Variants in SFI1 observed in about 807,000 individuals in gnomAD.
SFI1 encodes the protein SFI1 centrin binding protein, also known as protein SFI1 homolog.
SFI1 carries 195 observed loss-of-function variants against 207.5 expected under a neutral mutation model. The ratio of observed to expected loss-of-function variants is 0.94; its 90% CI spans 0.84 to 1.06. The LOEUF (loss-of-function observed/expected upper bound fraction) is 1.06, where lower values mean the gene tolerates loss of function less well. Among genes scored for constraint, SFI1 ranks in the 50% least tolerant of loss-of-function variants. The pLI is 0.00. For synonymous variants in SFI1, 630 were observed against 598.9 expected (o/e 1.05, Z -0.76); for missense variants, 1,634 against 1,588.0 (o/e 1.03, Z -0.49).
In SFI1 at chr22:31,585,059, T is replaced by C. The variant is rs754521601; in HGVS notation, c.1347-9T>C. On this transcript the variant is annotated splice_polypyrimidine_tract_variant and intron_variant, in intron 13 of 32. Coordinates refer to ENST00000400288, the MANE Select transcript of SFI1 (RefSeq NM_001007467.3). ...TTGAAACCTGAAGGTGTTCTTCCTT[T>C]TGTTTCAGAATAGCACTGCTGTGCA... The C allele has an allele frequency of 1.6e-5, 26 of 1,611,622 alleles. No individual in the cohort carries two copies. The highest frequency in any genetic ancestry group is 2.2e-5 in the Non-Finnish European group (26 of 1,179,228).
intron 18 of SFI1, 39 bp downstream of exon 18, chr22:31,603,858 T>C (rs1462464590): frequency 6.4e-7 from 1 of 1,560,120 alleles, no homozygotes; most frequent in East Asian, 2.4e-5. Flanking sequence ...TGTATGACTT[T>C]TGGACAGGTG....
At chr22:31,559,553 A>T in intron 7 of SFI1, 2 of 598,702 alleles carry the variant, frequency 3.3e-6, no homozygotes, top group Non-Finnish European at 6.2e-6. Flanking sequence ...AACGGGCAGC[A>T]GAAAATAGGC....
At chr22:31,499,175 T>A (rs2053285882) in intron 1 of SFI1, among the ~76,000 whole-genome samples, 1 of 151,328 alleles carries the variant, frequency 6.6e-6, no homozygotes, top group Admixed American at 6.6e-5. Context: ...CCTCGCTAAT[T>A]TTTTTTTTGA....
intron 8 of SFI1, among the ~76,000 whole-genome samples, chr22:31,562,437 CA>C (rs528463423): frequency 3.3e-3 from 329 of 99,954 alleles, no homozygotes; most frequent in Middle Eastern, 5.7e-3. Context: ...GGCCCTGTCT[CA>C]AAAAAAAAAA....
intron 29 of SFI1, chr22:31,616,520 T>G: frequency 2.2e-6 from 1 of 453,178 alleles, no homozygotes. Flanking sequence ...CACGGGGTGC[T>G]CCCTGGTTGC....
intron 15 of SFI1, among the ~76,000 whole-genome samples, chr22:31,592,798 G>A (rs1278289010): frequency 3.8e-5 from 5 of 130,988 alleles, no homozygotes; most frequent in Non-Finnish European, 3.3e-5. Flanking sequence ...GCGGCTGGCC[G>A]GGGGGAGGGC....
intron 7 of SFI1, 32 bp downstream of exon 7, chr22:31,557,091 A>G (rs777372487): frequency 1.4e-6 from 2 of 1,396,050 alleles, no homozygotes; most frequent in East Asian, 4.7e-5. Flanking sequence ...ACAAAGTACC[A>G]GCCATCATTT....
At chr22:31,603,873 G>T in intron 18 of SFI1, 54 bp downstream of exon 18, 2 of 1,522,998 alleles carry the variant, frequency 1.3e-6, no homozygotes, top group Non-Finnish European at 1.8e-6. Context: ...CAGGTGGGCT[G>T]TGTGTCAGCA....
In SFI1 at chr22:31,561,349, A is replaced by T. The variant is rs372032740; in HGVS notation, c.722A>T (p.His241Leu). ...CAGGTCCGTGTGAGCCGTGCCCTCC[A>T]TGCCTCTGCTTTGAAGCACAGGGCC... ...LGQVRVSRAL[H>L]ASALKHRALS... The change falls in exon 8 of 33, where the codon CAT (histidine) becomes CTT (leucine). Residue 241 changes from histidine (H) to leucine (L), a missense_variant. By Grantham distance (99) the His-to-Leu change is moderately conservative. Coordinates refer to ENST00000400288, the MANE Select transcript of SFI1 (RefSeq NM_001007467.3). 3 of 1,614,004 alleles carry T rather than the reference A, an allele frequency of 1.9e-6. No individual in the cohort carries two copies. Among genetic ancestry groups the T allele is most frequent in the Non-Finnish European group, 1.7e-6 (2 of 1,180,030 alleles).
intron 4 of SFI1, among the ~76,000 whole-genome samples, chr22:31,535,251 G>A (rs1242827476): frequency 2.7e-5 from 4 of 146,376 alleles, no homozygotes; most frequent in Admixed American, 1.4e-4. Flanking sequence ...GTGCAATGAC[G>A]CGATCTCGGC....
At position 31,550,348 on chromosome 22, in the gene SFI1, G is replaced by A. The variant is rs199561606; in HGVS notation, c.544G>A (p.Asp182Asn). The A allele has an allele frequency of 8.7e-5, 141 of 1,613,580 alleles. 3 individuals are homozygous for A. Among genetic ancestry groups the A allele is most frequent in the Middle Eastern group, 8.3e-4 (5 of 6,060 alleles). The change falls in exon 6 of 33, where the codon GAT (aspartate) becomes AAT (asparagine). Residue 182 changes from aspartate to asparagine, a missense_variant and splice_region_variant. Physicochemically the swap from Asp to Asn is conservative, Grantham distance 23. Transcript: ENST00000400288. The stretch of plus-strand genomic sequence containing the variant: ...CAAGTACATTAGAGCCGAGGTTCAT[G>A]GTGAGAAAAAGAAGTCCATGTCTGA... ...RNKYIRAEVH[D>N]AKQKMRQAWK...
chr22:31,571,583 G>A (rs2062959496), intron 8 of SFI1, among the ~76,000 whole-genome samples: 4 of 151,668 alleles, frequency 2.6e-5, no homozygotes, highest in African/African-American at 9.7e-5. Flanking sequence ...CCAAAGTGCT[G>A]AGATTACAGG....
At chr22:31,514,116 G>A (rs1440046062) in intron 2 of SFI1, among the ~76,000 whole-genome samples, 2 of 148,186 alleles carry the variant, frequency 1.3e-5, no homozygotes, top group African/African-American at 5.0e-5. Context: ...ACTCCAGCCC[G>A]GGTGACGGAG....
chr22:31,520,668 A>T (rs1410271583), intron 2 of SFI1, among the ~76,000 whole-genome samples: 1 of 151,786 alleles, frequency 6.6e-6, no homozygotes, highest in Non-Finnish European at 1.5e-5. Flanking sequence ...AAATCCAGGG[A>T]GTATCTAAAA....
rs1479727652 is a variant in SFI1 at position 31,569,097 on chromosome 22, G to T, written c.766-3961G>T. Among the ~76,000 whole-genome samples, 3 of 152,088 alleles carry T rather than the reference G, an allele frequency of 2.0e-5. No individual in the cohort carries two copies. In the East Asian group the frequency reaches 5.8e-4, roughly 29 times the overall value. ...ACTGTTAACTCCAAGAAACCAGAGGGTTAATGAGAGAGAAGCCTTCTTTAT... is the reference window on the plus strand; with the variant it reads ...ACTGTTAACTCCAAGAAACCAGAGGTTTAATGAGAGAGAAGCCTTCTTTAT... On this transcript the variant is annotated intron_variant, in intron 8 of 32. Coordinates refer to ENST00000400288, the MANE Select transcript of SFI1 (RefSeq NM_001007467.3).
chr22:31,593,289 G>A (rs375577451), intron 15 of SFI1, among the ~76,000 whole-genome samples: 43 of 137,858 alleles, frequency 3.1e-4, no homozygotes, highest in Non-Finnish European at 3.2e-4. Context: ...CGGGGCGGCC[G>A]GGCAGAGACG....
intron 14 of SFI1, among the ~76,000 whole-genome samples, chr22:31,589,045 A>G (rs1024941738): frequency 2.0e-5 from 3 of 152,170 alleles, no homozygotes; most frequent in African/African-American, 7.2e-5. Context: ...GGGTGGGGAA[A>G]TATTTAAGAT....
chr22:31,596,023 T>G (rs1034513663), intron 15 of SFI1, among the ~76,000 whole-genome samples: 1 of 151,290 alleles, frequency 6.6e-6, no homozygotes, highest in Non-Finnish European at 1.5e-5. Flanking sequence ...GAGGCAGAGG[T>G]GGGTGGATCA....
intron 7 of SFI1, among the ~76,000 whole-genome samples, chr22:31,559,240 T>C (rs931341478): frequency 6.6e-6 from 1 of 152,018 alleles, no homozygotes; most frequent in Non-Finnish European, 1.5e-5. Flanking sequence ...CTGGCCAACA[T>C]AGTGAAACTG....
Sources: allele counts gnomAD v4.1 joint callset (sites outside exome capture counted in the v4.1 genomes callset), GRCh38; gene constraint gnomAD v4.1.1; transcripts MANE v1.5; gene names NCBI Gene and HGNC (gene_info 2026-07-23, HGNC 2026-07-21).